IQGAP2: variants seen among roughly 807,000 people sequenced by gnomAD.
The protein encoded by IQGAP2 is IQ motif containing GTPase activating protein 2, also known as ras GTPase-activating-like protein IQGAP2.
In IQGAP2, 173 loss-of-function variants were observed where a neutral mutation model predicts 201.3. The ratio of observed to expected loss-of-function variants is 0.86; its 90% CI spans 0.76 to 0.98. IQGAP2 has a LOEUF of 0.98. Among genes scored for constraint, IQGAP2 ranks in the 50% least tolerant of loss-of-function variants. The pLI, the probability that IQGAP2 is intolerant of heterozygous loss-of-function variation, is 0.00. For missense variants in IQGAP2, 1,687 were observed against 1,864.8 expected (o/e 0.90, Z 1.76); for synonymous variants, 675 against 673.9 (o/e 1.00, Z -0.03).
chr5:76,585,938 A>G (rs1224522884), intron 5 of IQGAP2, among the ~76,000 whole-genome samples: 1 of 152,232 alleles, frequency 6.6e-6, no homozygotes, highest in African/African-American at 2.4e-5. Context: ...GAGCAAGTGA[A>G]GAGGTTGACA....
intron 2 of IQGAP2, 63 bp from the exon 3 acceptor site, chr5:76,562,333 C>T: frequency 8.4e-7 from 1 of 1,195,408 alleles, no homozygotes; most frequent in Non-Finnish European, 1.2e-6. Context: ...ATGCTGCATG[C>T]CTTCATTTGC....
At chr5:76,617,497 A>C in intron 13 of IQGAP2, 4 of 980,592 alleles carry the variant, frequency 4.1e-6, no homozygotes, top group Non-Finnish European at 6.1e-6. Flanking sequence ...GAGCTCGGAA[A>C]TGGAGCTCCT....
Position 76,606,212 on chromosome 5 carries a change from A to G in IQGAP2, c.1266A>G (p.Glu422=). 1 of 1,605,772 alleles carries G rather than the reference A, an allele frequency of 6.2e-7. No homozygotes were observed. Among genetic ancestry groups the G allele is most frequent in the Non-Finnish European group, 8.5e-7 (1 of 1,174,804 alleles). ...YANTLLSVKL[E]VLSQGQDNLS... The stretch of plus-strand genomic sequence containing the variant: ...ACACACTACTCTCTGTTAAACTAGA[A>G]GTTTTATCCCAAGGGCAAGATAACT... Residue 422 remains glutamate (E), a synonymous_variant, in exon 12 of 36, where the codon GAA becomes GAG. Transcript: ENST00000274364.
intron 15 of IQGAP2, among the ~76,000 whole-genome samples, chr5:76,636,221 C>T (rs185851088): frequency 9.8e-5 from 15 of 152,330 alleles, no homozygotes; most frequent in Non-Finnish European, 1.6e-4. Flanking sequence ...TTAGCTTAGT[C>T]TAAGTTAGAA....
At chr5:76,418,561 T>G (rs1376395955) in intron 1 of IQGAP2, among the ~76,000 whole-genome samples, 1 of 147,694 alleles carries the variant, frequency 6.8e-6, no homozygotes, top group African/African-American at 2.5e-5. Context: ...TTAGCTGTAC[T>G]CTAGCCTGGG....
intron 2 of IQGAP2, among the ~76,000 whole-genome samples, chr5:76,536,001 G>A (rs1759599126): frequency 6.7e-6 from 1 of 150,264 alleles, no homozygotes; most frequent in Admixed American, 6.7e-5. Flanking sequence ...CATTAAATTT[G>A]TTCCTTAGAA....
chr5:76,585,956 G>A (rs1205518417), intron 5 of IQGAP2, among the ~76,000 whole-genome samples: 1 of 152,168 alleles, frequency 6.6e-6, no homozygotes. Context: ...ACATTTCATT[G>A]TTCCAAGTAA....
intron 2 of IQGAP2, among the ~76,000 whole-genome samples, chr5:76,539,352 A>C (rs1759801227): frequency 6.6e-6 from 1 of 152,116 alleles, no homozygotes; most frequent in African/African-American, 2.4e-5. Context: ...CTGACTCAAA[A>C]ATGGGTACCA....
chr5:76,493,278 C>T (rs1316380394), intron 2 of IQGAP2, among the ~76,000 whole-genome samples: 1 of 151,852 alleles, frequency 6.6e-6, no homozygotes, highest in Non-Finnish European at 1.5e-5. Flanking sequence ...GCCCCGCCCG[C>T]CCCTCACCAC....
intron 2 of IQGAP2, among the ~76,000 whole-genome samples, chr5:76,481,147 A>G (rs866507624): frequency 1.4e-4 from 22 of 152,156 alleles, no homozygotes; most frequent in Non-Finnish European, 2.5e-4. Context: ...AAGTTTCAAC[A>G]TATGAATTTG....
chr5:76,651,438 C>T (rs747782014), intron 17 of IQGAP2, among the ~76,000 whole-genome samples: 27 of 152,050 alleles, frequency 1.8e-4, no homozygotes, highest in Non-Finnish European at 1.5e-4. Flanking sequence ...CTTAGTCTCT[C>T]TGAAAAATAG....
chr5:76,669,277 TATA>T (rs1744075302), intron 23 of IQGAP2, among the ~76,000 whole-genome samples: 1 of 152,222 alleles, frequency 6.6e-6, no homozygotes. Context: ...TATAGGTAGC[TATA>T]ATGAGTGGGC....
intron 23 of IQGAP2, 84 bp downstream of exon 23, chr5:76,668,928 T>G (rs1744044888): frequency 1.3e-6 from 1 of 797,530 alleles, no homozygotes; most frequent in Non-Finnish European, 1.9e-6. Context: ...CTAAAATTAT[T>G]TTTAAATTCT....
Position 76,644,295 on chromosome 5 carries a change from C to CTTTTTTTTTTTTTTT in IQGAP2, c.2094+3200_2094+3214dup, listed in dbSNP as rs547155944. On this transcript the variant is annotated intron_variant, in intron 17 of 35. Transcript: ENST00000274364. ...AATGAGACTGCCATTTTTGTAAATCCTTTTTTTTTTTTTTTTTTTTTTGAG... is the reference window on the plus strand; with the variant it reads ...AATGAGACTGCCATTTTTGTAAATCCTTTTTTTTTTTTTTTTTTTTTTTTTTTTTTTTTTTTTGAG... Among the ~76,000 whole-genome samples the CTTTTTTTTTTTTTTT allele has an allele frequency of 3.2e-3, 154 of 47,750 alleles. 38 individuals carry two copies. Among genetic ancestry groups the CTTTTTTTTTTTTTTT allele is most frequent in the Non-Finnish European group, 5.3e-3 (122 of 23,008 alleles). The allele number at this position is 47,750 out of a possible 152,430, so 31.3% of individuals were successfully genotyped here. A position where few individuals can be genotyped will look rare whatever the true frequency, so the allele number is the denominator to read the frequency against.
chr5:76,422,359 G>A (rs1751773789), intron 1 of IQGAP2, among the ~76,000 whole-genome samples: 1 of 152,196 alleles, frequency 6.6e-6, no homozygotes, highest in Non-Finnish European at 1.5e-5. Context: ...ACTTCACTGT[G>A]CTTTGACTGA....
intron 2 of IQGAP2, among the ~76,000 whole-genome samples, chr5:76,523,266 A>G (rs564516678): frequency 1.3e-5 from 2 of 151,470 alleles, no homozygotes; most frequent in African/African-American, 4.9e-5. Flanking sequence ...AAAAAAAAAA[A>G]TTTTGTAAGG....
rs146417606 is a variant in IQGAP2 at position 76,698,227 on chromosome 5, G to A, written c.4367+80G>A. 1.2e-3 allele frequency: 1,306 copies of A among 1,120,192 alleles called. 8 individuals are homozygous for A. The African/African-American group carries it at 0.017, about 14-fold the overall frequency. 69.4% of individuals were successfully genotyped at this position (1,120,192 alleles called of 1,614,324 possible). Reference sequence around the variant, plus strand: ...CAATTCTGTGTTTCTAGGCAGTTGGGTTGGGTATGGAAGAAAACTTTTTGC... The same window carrying A: ...CAATTCTGTGTTTCTAGGCAGTTGGATTGGGTATGGAAGAAAACTTTTTGC... On this transcript the variant is annotated intron_variant, in intron 33 of 35. Transcript: ENST00000274364.
intron 1 of IQGAP2, among the ~76,000 whole-genome samples, chr5:76,437,493 A>G (rs528298922): frequency 7.9e-5 from 12 of 152,156 alleles, no homozygotes; most frequent in Non-Finnish European, 1.8e-4. Context: ...ATTAAGCCCC[A>G]AAGGCATTAG....
chr5:76,646,259 T>G (rs1325396146), intron 17 of IQGAP2, among the ~76,000 whole-genome samples: 1 of 152,240 alleles, frequency 6.6e-6, no homozygotes, highest in Non-Finnish European at 1.5e-5. Context: ...CAACTGTTGG[T>G]GACATCAGAG....
Sources: allele counts gnomAD v4.1 joint callset (sites outside exome capture counted in the v4.1 genomes callset), GRCh38; gene constraint gnomAD v4.1.1; transcripts MANE v1.5; gene names NCBI Gene and HGNC (gene_info 2026-07-23, HGNC 2026-07-21).